Variants in EXOC5 observed in about 807,000 individuals in gnomAD.
EXOC5 encodes the protein SEC10-like 1.
A neutral mutation model predicts 90.8 loss-of-function variants in EXOC5; 17 were observed. The ratio of observed to expected loss-of-function variants is 0.19; its 90% CI spans 0.13 to 0.28. The LOEUF is 0.28. Among genes scored for constraint, EXOC5 ranks in the 10% least tolerant of loss-of-function variants. The pLI, the probability that EXOC5 is intolerant of heterozygous loss-of-function variation, is 1.00. For missense variants in EXOC5, 569 were observed against 830.6 expected (o/e 0.69, Z 3.87); for synonymous variants, 260 against 270.0 (o/e 0.96, Z 0.36).
intron 17 of EXOC5, 65 bp from the exon 18 acceptor site, chr14:57,208,862 G>T: frequency 8.7e-7 from 1 of 1,148,524 alleles, no homozygotes; most frequent in Non-Finnish European, 1.2e-6. Flanking sequence ...CAATTAGCTT[G>T]TAACTTTTTA....
At chr14:57,210,488 C>T (rs145722474) in intron 15 of EXOC5, among the ~76,000 whole-genome samples, 1 of 152,022 alleles carries the variant, frequency 6.6e-6, no homozygotes, top group African/African-American at 2.4e-5. Flanking sequence ...ATCTTGGGGA[C>T]GGGACCCATT....
chr14:57,252,552 T>C (rs951871042), intron 1 of EXOC5, among the ~76,000 whole-genome samples: 4 of 152,086 alleles, frequency 2.6e-5, no homozygotes, highest in Admixed American at 6.6e-5. Context: ...ACACCATTAA[T>C]CATCAAGGAA....
intron 13 of EXOC5, 103 bp from the exon 14 acceptor site, chr14:57,219,545 T>C: frequency 4.7e-6 from 4 of 849,654 alleles, no homozygotes; most frequent in Non-Finnish European, 7.2e-6. Context: ...ATAAAATAAA[T>C]GACACCGCTA....
chr14:57,229,980 AC>A (rs1883432299), intron 11 of EXOC5, 99 bp from the exon 12 acceptor site: 1 of 592,744 alleles, frequency 1.7e-6, no homozygotes, highest in Non-Finnish European at 2.6e-6. Context: ...ACAAAAATGG[AC>A]CAATAGCCAA....
At position 57,201,403 on chromosome 14, in the gene EXOC5, A is replaced by C. The variant is rs1040978678; in HGVS notation, c.*7206T>G. ...AAACTATGAATACATAGTGATATCA[A>C]GAGAATTCTGATTAGTATATATATA... On this transcript the variant is annotated 3_prime_UTR_variant, in exon 18 of 18. Transcript: ENST00000621441. 1 of 147,320 alleles carries C rather than the reference A, an allele frequency of 6.8e-6. No individual in the cohort carries two copies. The highest frequency in any genetic ancestry group is 1.5e-5 in the Non-Finnish European group (1 of 67,668). The allele number at this position is 147,320 out of a possible 1,614,324, so 9.1% of individuals were successfully genotyped here.
intron 12 of EXOC5, among the ~76,000 whole-genome samples, chr14:57,222,762 C>CATATATATAT (rs149486431): frequency 1.5e-5 from 2 of 135,216 alleles, no homozygotes; most frequent in Admixed American, 7.1e-5. Flanking sequence ...CACACACACA[C>CATATATATAT]ATATATATAT....
intron 1 of EXOC5, 144 bp downstream of exon 1, chr14:57,268,478 A>G (rs1315754055): frequency 1.1e-5 from 16 of 1,478,288 alleles, no homozygotes; most frequent in Non-Finnish European, 1.4e-5. Context: ...GCTGACACGG[A>G]GCTGCCACCC....
chr14:57,236,769 C>A (rs1031506449), intron 6 of EXOC5, among the ~76,000 whole-genome samples: 4 of 151,468 alleles, frequency 2.6e-5, no homozygotes, highest in African/African-American at 9.7e-5. Flanking sequence ...AAATAGTGAC[C>A]CCAGCTACCA....
chr14:57,233,910 T>A (rs1883566607), intron 8 of EXOC5, 27 bp from the exon 9 acceptor site: 2 of 1,602,676 alleles, frequency 1.2e-6, no homozygotes, highest in African/African-American at 2.7e-5. Context: ...TTTTATACAG[T>A]GAACATATAA....
At chr14:57,215,267 C>T (rs544964143) in intron 15 of EXOC5, among the ~76,000 whole-genome samples, 2 of 151,912 alleles carry the variant, frequency 1.3e-5, no homozygotes, top group African/African-American at 2.4e-5. Context: ...TAACACCAAT[C>T]GTTCTCAAAC....
chr14:57,268,524 C>T (rs1884765546), intron 1 of EXOC5, 98 bp downstream of exon 1: 2 of 1,538,004 alleles, frequency 1.3e-6, no homozygotes, highest in Admixed American at 2.0e-5. Flanking sequence ...CCCGAGGGCT[C>T]CTCCTGGGCA....
intron 1 of EXOC5, among the ~76,000 whole-genome samples, chr14:57,262,382 C>A (rs1014982603): frequency 6.6e-6 from 1 of 152,050 alleles, no homozygotes; most frequent in South Asian, 2.1e-4. Context: ...GAGATGTCTT[C>A]CACCTCCTGG....
At chr14:57,238,221 T>TACACACACAC (rs372613596) in intron 5 of EXOC5, among the ~76,000 whole-genome samples, 65 of 93,332 alleles carry the variant, frequency 7.0e-4, no homozygotes, top group African/African-American at 1.7e-3. Flanking sequence ...TCCACATATA[T>TACACACACAC]ATACACACAC....
At position 57,201,596 on chromosome 14, in the gene EXOC5, A is replaced by ATATATATATATAT; in HGVS notation, c.*7012_*7013insATATATATATATA. ...TATATATATATATATATATATATAT[A>ATATATATATATAT]AAGGATGGCTGGTTAAGGTGGCTCA... On this transcript the variant is annotated 3_prime_UTR_variant, in exon 18 of 18. Transcript: ENST00000621441. 7.1e-6 allele frequency: 1 copy of ATATATATATATAT among 141,640 alleles called. No homozygotes were observed. Among genetic ancestry groups the ATATATATATATAT allele is most frequent in the Non-Finnish European group, 1.5e-5 (1 of 66,110 alleles). The allele number at this position is 141,640 out of a possible 1,614,324, so 8.8% of individuals were successfully genotyped here.
At chr14:57,240,242 C>G (rs1456410094) in intron 4 of EXOC5, among the ~76,000 whole-genome samples, 1 of 146,640 alleles carries the variant, frequency 6.8e-6, no homozygotes, top group African/African-American at 2.6e-5. Context: ...CAGAGTTTCA[C>G]TCTTGTGGCC....
intron 1 of EXOC5, among the ~76,000 whole-genome samples, chr14:57,260,396 T>C (rs1338560673): frequency 6.6e-6 from 1 of 152,184 alleles, no homozygotes; most frequent in African/African-American, 2.4e-5. Flanking sequence ...TTTTTAAAAT[T>C]AGTCAATGTT....
At chr14:57,234,689 C>T (rs1456986813) in intron 7 of EXOC5, among the ~76,000 whole-genome samples, 1 of 151,500 alleles carries the variant, frequency 6.6e-6, no homozygotes, top group Non-Finnish European at 1.5e-5. Context: ...CTGTAGCCTC[C>T]CGAGTAGCTG....
intron 15 of EXOC5, among the ~76,000 whole-genome samples, chr14:57,211,063 T>C (rs1421605137): frequency 6.6e-6 from 1 of 151,934 alleles, no homozygotes; most frequent in Non-Finnish European, 1.5e-5. Flanking sequence ...TCATTAATAA[T>C]GGTTTTTGTC....
At chr14:57,214,364 T>A (rs1413565542) in intron 15 of EXOC5, among the ~76,000 whole-genome samples, 1 of 152,140 alleles carries the variant, frequency 6.6e-6, no homozygotes. Context: ...GGTGTAAAAT[T>A]TTCCACTTGT....
Sources: gnomAD v4.1 joint callset for allele counts (sites outside exome capture counted in the v4.1 genomes callset) on GRCh38, gnomAD v4.1.1 for gene constraint, MANE v1.5 for transcripts, NCBI Gene and HGNC (gene_info 2026-07-23, HGNC 2026-07-21) for gene names.